Variants in KCNMA1 observed in about 807,000 individuals in gnomAD.
KCNMA1 encodes the protein potassium calcium-activated channel subfamily M alpha 1.
KCNMA1 carries 29 observed loss-of-function variants against 140.0 expected under a neutral mutation model. That is an observed-to-expected ratio of 0.21 (90% CI 0.15 to 0.28). The LOEUF (loss-of-function observed/expected upper bound fraction) is 0.28. Ranked by LOEUF, KCNMA1 falls within the 10% of genes least tolerant of loss-of-function variation. The pLI, the probability that KCNMA1 is intolerant of heterozygous loss-of-function variation, is 1.00. For missense variants in KCNMA1, 880 were observed against 1,602.2 expected, an observed-to-expected ratio of 0.55 and a Z score of 7.70; for synonymous variants, 612 against 611.9, an observed-to-expected ratio of 1.00 and a Z score of 0.00.
Position 77,035,338 on chromosome 10 carries a change from C to G in KCNMA1, c.1859+4190G>C, listed in dbSNP as rs534575387. 3.3e-5 allele frequency among the ~76,000 whole-genome samples: 5 copies of G among 152,286 alleles called. No individual in the cohort carries two copies. The South Asian group carries it at 1.0e-3, about 32-fold the overall frequency. On this transcript the variant is annotated intron_variant, in intron 15 of 27. Transcript: ENST00000286628. ...TCCAGGAAGAACCCCCATGTCCCCC[C>G]AGCCTACAGGGAGATGTCCCTATAA...
chr10:77,079,113 G>A (rs751837171), intron 13 of KCNMA1, among the ~76,000 whole-genome samples: 2 of 152,008 alleles, frequency 1.3e-5, no homozygotes, highest in Non-Finnish European at 2.9e-5. Context: ...TCTACTAAAA[G>A]TACAAAATCA....
At chr10:77,169,267 A>G (rs1487134386) in intron 5 of KCNMA1, among the ~76,000 whole-genome samples, 1 of 152,366 alleles carries the variant, frequency 6.6e-6, no homozygotes, top group Non-Finnish European at 1.5e-5. Context: ...TAGGCTGGCT[A>G]GAGTGAAAAT....
At chr10:77,289,744 G>A (rs935793115) in intron 2 of KCNMA1, among the ~76,000 whole-genome samples, 3 of 152,178 alleles carry the variant, frequency 2.0e-5, no homozygotes, top group Non-Finnish European at 2.9e-5. Context: ...TGTAAATAGA[G>A]TCTTCAAAAT....
At chr10:77,374,852 C>A (rs2094970914) in intron 2 of KCNMA1, among the ~76,000 whole-genome samples, 1 of 152,182 alleles carries the variant, frequency 6.6e-6, no homozygotes, top group Admixed American at 6.5e-5. Context: ...TTTCACAACA[C>A]CCTGATTCCA....
intron 1 of KCNMA1, among the ~76,000 whole-genome samples, chr10:77,427,338 T>G (rs1483537778): frequency 6.6e-6 from 1 of 152,218 alleles, no homozygotes; most frequent in African/African-American, 2.4e-5. Flanking sequence ...TGAGCTCAAA[T>G]CTCACCTCTG....
At chr10:77,055,273 A>G (rs1204000495) in intron 14 of KCNMA1, among the ~76,000 whole-genome samples, 2 of 152,128 alleles carry the variant, frequency 1.3e-5, no homozygotes, top group African/African-American at 2.4e-5. Context: ...AAATACCACC[A>G]AATCAGCAGT....
At position 77,208,525 on chromosome 10, in the gene KCNMA1, T is replaced by C. The variant is rs528141186; in HGVS notation, c.603-23609A>G. On this transcript the variant is annotated intron_variant, in intron 3 of 27. Transcript: ENST00000286628. ...GTAAATAAAACGTTTTAAAAACCTGTGCGCAGAAATGAAAGCCCATGAACA... is the reference window on the plus strand; with the variant it reads ...GTAAATAAAACGTTTTAAAAACCTGCGCGCAGAAATGAAAGCCCATGAACA... 4.1e-5 allele frequency among the ~76,000 whole-genome samples: 6 copies of C among 145,568 alleles called. No individual in the cohort carries two copies. In the East Asian group the frequency reaches 1.2e-3, roughly 28 times the overall value.
At chr10:77,169,135 A>G (rs752184463) in intron 5 of KCNMA1, among the ~76,000 whole-genome samples, 4 of 152,190 alleles carry the variant, frequency 2.6e-5, no homozygotes, top group Non-Finnish European at 4.4e-5. Context: ...GAGGCAAGTA[A>G]CAGGATAATA....
At chr10:77,421,928 C>T (rs962745566) in intron 1 of KCNMA1, among the ~76,000 whole-genome samples, 3 of 152,204 alleles carry the variant, frequency 2.0e-5, no homozygotes. Context: ...TCACGGAACA[C>T]CAGTCTGATG....
At chr10:77,114,475 T>G (rs2097402929) in intron 6 of KCNMA1, among the ~76,000 whole-genome samples, 1 of 152,230 alleles carries the variant, frequency 6.6e-6, no homozygotes. Context: ...CTCCTTCCAT[T>G]GTCAACACCT....
At chr10:77,636,388 T>TA (rs766048955) in intron 1 of KCNMA1, 1 of 1,535,858 alleles carries the variant, frequency 6.5e-7, no homozygotes, top group South Asian at 1.2e-5. Flanking sequence ...CAGGAATAGC[T>TA]AAAGCCGACG....
At chr10:76,882,167 G>C (rs886389310), downstream of KCNMA1, among the ~76,000 whole-genome samples, 2 of 152,198 alleles carry the variant, frequency 1.3e-5, no homozygotes, top group Non-Finnish European at 2.9e-5. Context: ...GAGCTTCTCT[G>C]TTGGCTCTGT....
At chr10:77,268,276 C>T (rs529611790) in intron 2 of KCNMA1, among the ~76,000 whole-genome samples, 6 of 152,056 alleles carry the variant, frequency 3.9e-5, no homozygotes, top group Admixed American at 1.3e-4. Flanking sequence ...AGCAGGCGAA[C>T]GACAATGTCT....
chr10:76,960,618 G>GTTTTTTTTTTT (rs55685324), intron 20 of KCNMA1, among the ~76,000 whole-genome samples: 1 of 59,298 alleles, frequency 1.7e-5, no homozygotes, highest in Non-Finnish European at 3.2e-5. Context: ...TTATGGTTTT[G>GTTTTTTTTTTT]TTTTTTTTTT....
intron 22 of KCNMA1, among the ~76,000 whole-genome samples, chr10:76,945,482 G>A (rs1235577615): frequency 6.6e-6 from 1 of 152,136 alleles, no homozygotes; most frequent in Admixed American, 6.5e-5. Context: ...GGGCCTGGAT[G>A]TGCGGCTCAA....
intron 22 of KCNMA1, among the ~76,000 whole-genome samples, chr10:76,947,501 C>T (rs1220551621): frequency 2.0e-5 from 3 of 152,104 alleles, no homozygotes; most frequent in Non-Finnish European, 1.5e-5. Flanking sequence ...AAATAATAAA[C>T]CCTTTACAAA....
In KCNMA1 at chr10:77,392,232, A is replaced by C. The variant is rs1205248820; in HGVS notation, c.540+11630T>G. On this transcript the variant is annotated intron_variant, in intron 2 of 27. Transcript: ENST00000286628. ...GAGGAAGGAAGGAAGGGAGAGAGGG[A>C]AAGAAGGAAGGGAGAGAGGGAAGGG... Among the ~76,000 whole-genome samples, 8 of 106,268 alleles carry C rather than the reference A, an allele frequency of 7.5e-5. 1 individual carries two copies. The highest frequency in any genetic ancestry group is 3.4e-4 in the African/African-American group (8 of 23,246). 69.7% of individuals were successfully genotyped at this position (106,268 alleles called of 152,430 possible).
At chr10:76,916,039 C>CACACACAT (rs931324571) in intron 23 of KCNMA1, among the ~76,000 whole-genome samples, 2 of 151,498 alleles carry the variant, frequency 1.3e-5, no homozygotes, top group Non-Finnish European at 2.9e-5. Flanking sequence ...CACACACACA[C>CACACACAT]ACACACATAC....
chr10:77,592,856 C>G (rs1236231769), intron 1 of KCNMA1, among the ~76,000 whole-genome samples: 1 of 152,154 alleles, frequency 6.6e-6, no homozygotes, highest in East Asian at 1.9e-4. Context: ...TGAGTGTGCC[C>G]CGGCAGCCTG....
Sources: gnomAD v4.1 joint callset for allele counts (sites outside exome capture counted in the v4.1 genomes callset) on GRCh38, gnomAD v4.1.1 for gene constraint, MANE v1.5 for transcripts, NCBI Gene and HGNC (gene_info 2026-07-23, HGNC 2026-07-21) for gene names.